The following CCDC88A variants were observed in gnomAD, a reference collection of about 807,000 sequenced individuals.
CCDC88A encodes coiled-coil and HOOK domain protein 88A.
In CCDC88A, 54 loss-of-function variants were observed where a neutral mutation model predicts 234.3. The observed-to-expected ratio is 0.23, with a 90% CI of 0.19 to 0.29. The LOEUF (loss-of-function observed/expected upper bound fraction) is 0.29, where lower values mean the gene tolerates loss of function less well. Among genes scored for constraint, CCDC88A ranks in the 10% least tolerant of loss-of-function variants. CCDC88A has a pLI of 1.00. For synonymous variants in CCDC88A, 753 were observed against 737.8 expected (o/e 1.02, Z -0.33); for missense variants, 1,832 against 2,123.4 (o/e 0.86, Z 2.70).
rs983883597 is a variant in CCDC88A, at chr2:55,290,638, G to T, written c.*562C>A. 1 of 152,190 alleles carries T rather than the reference G, an allele frequency of 6.6e-6. No individual in the cohort carries two copies. Among genetic ancestry groups the T allele is most frequent in the African/African-American group, 2.4e-5 (1 of 41,378 alleles). The allele number at this position is 152,190 out of a possible 1,614,324, so 9.4% of individuals were successfully genotyped here. A position where few individuals can be genotyped will look rare whatever the true frequency, so the allele number is the denominator to read the frequency against. On this transcript the variant is annotated 3_prime_UTR_variant, in exon 33 of 33. Coordinates refer to ENST00000436346, the MANE Select transcript of CCDC88A (RefSeq NM_001365480.1). The stretch of plus-strand genomic sequence containing the variant: ...AATAATTGGCTTTAAGAAAAAAAAA[G>T]TATCAACACATGCAGTCTGCTAACC...
intron 25 of CCDC88A, among the ~76,000 whole-genome samples, chr2:55,303,844 A>G (rs1681200322): frequency 6.6e-6 from 1 of 152,230 alleles, no homozygotes; most frequent in South Asian, 2.1e-4. Context: ...ATGAAAATGT[A>G]CAAGGCTTTT....
chr2:55,356,127 C>T (rs1163610092), intron 7 of CCDC88A: 2 of 154,516 alleles, frequency 1.3e-5, no homozygotes, highest in African/African-American at 4.8e-5. Flanking sequence ...CATGCATTAG[C>T]TCTTTTCCCT....
chr2:55,384,560 C>CGTATATATGCGTATATAT lies in CCDC88A; in HGVS notation c.273+4217_273+4218insATATATACGCATATATAC. Among the ~76,000 whole-genome samples the CGTATATATGCGTATATAT allele has an allele frequency of 3.2e-4, 6 of 19,040 alleles. 3 individuals carry two copies. The highest frequency in any genetic ancestry group is 2.0e-3 in the African/African-American group (6 of 3,016). 12.5% of individuals were successfully genotyped at this position (19,040 alleles called of 152,430 possible). The stretch of plus-strand genomic sequence containing the variant: ...ATATACGTATATATGTGTATATATA[C>CGTATATATGCGTATATAT]ACATATATACGTATATATGTGTATA... On this transcript the variant is annotated intron_variant, in intron 3 of 32. Transcript: ENST00000436346.
chr2:55,300,919 A>G (rs967524555), intron 28 of CCDC88A: 6 of 276,518 alleles, frequency 2.2e-5, no homozygotes, highest in Non-Finnish European at 4.0e-5. Flanking sequence ...TGCAACTCTT[A>G]TAACTTTAAT....
chr2:55,343,317 T>A (rs888207504), intron 12 of CCDC88A, among the ~76,000 whole-genome samples: 1 of 152,140 alleles, frequency 6.6e-6, no homozygotes, highest in African/African-American at 2.4e-5. Context: ...TGACCACTAA[T>A]ACGACTTTTC....
intron 3 of CCDC88A, among the ~76,000 whole-genome samples, chr2:55,385,442 G>T (rs1675421758): frequency 6.6e-6 from 1 of 152,038 alleles, no homozygotes; most frequent in Non-Finnish European, 1.5e-5. Flanking sequence ...ATAAATAAAA[G>T]TTTAATAAGC....
chr2:55,335,054 G>T lies in CCDC88A; in HGVS notation c.1767C>A (p.Asn589Lys). The T allele has an allele frequency of 6.2e-7, 1 of 1,611,086 alleles. No individual in the cohort carries two copies. Among genetic ancestry groups the T allele is most frequent in the Non-Finnish European group, 8.5e-7 (1 of 1,178,364 alleles). ...CTTTGATAGATTCATGAAGAATTTT[G>T]TTTTCTTTTTCAATGTCTTTCACTC... is the stretch of plus-strand genomic sequence containing the variant. ...EARVKDIEKE[N>K]KILHESIKET... Residue 589 changes from asparagine to lysine, a missense_variant, in exon 15 of 33, where the codon AAC becomes AAA. Coordinates refer to ENST00000436346, the MANE Select transcript of CCDC88A (RefSeq NM_001365480.1). This position sits in a 1 kb window ranked among gnomAD's most constrained non-coding sequence, Gnocchi z 4.5.
chr2:55,387,100 C>T (rs1253069744), intron 3 of CCDC88A, among the ~76,000 whole-genome samples: 1 of 143,204 alleles, frequency 7.0e-6, no homozygotes, highest in Admixed American at 7.4e-5. Context: ...TTGCTGGAAC[C>T]CAGGAGGCGG....
At chr2:55,370,665 A>AG (rs1292501486) in intron 5 of CCDC88A, among the ~76,000 whole-genome samples, 1 of 144,602 alleles carries the variant, frequency 6.9e-6, no homozygotes, top group Non-Finnish European at 1.5e-5. Flanking sequence ...AAAAAAAAAA[A>AG]AAGAGAATTA....
chr2:55,375,586 G>C (rs1207141112), intron 3 of CCDC88A, among the ~76,000 whole-genome samples: 3 of 148,796 alleles, frequency 2.0e-5, no homozygotes, highest in African/African-American at 5.0e-5. Context: ...GTAGTGCAGT[G>C]GTGTGATCTT....
chr2:55,374,150 G>A (rs1460676418), intron 4 of CCDC88A, among the ~76,000 whole-genome samples: 2 of 152,194 alleles, frequency 1.3e-5, no homozygotes, highest in Non-Finnish European at 2.9e-5. Context: ...GAGGCGGGCA[G>A]ATCACCTGAG....
At chr2:55,397,867 G>A (rs1677884331) in intron 2 of CCDC88A, among the ~76,000 whole-genome samples, 1 of 151,850 alleles carries the variant, frequency 6.6e-6, no homozygotes, top group Non-Finnish European at 1.5e-5. Context: ...AGAATTTTTT[G>A]TAAAAAAAAT....
intron 2 of CCDC88A, among the ~76,000 whole-genome samples, chr2:55,393,289 GTTTTT>G (rs558827055): frequency 1.3e-4 from 8 of 61,678 alleles, no homozygotes; most frequent in African/African-American, 5.0e-4. Context: ...GGTTTTTTGG[GTTTTT>G]TTTTTTTTTT....
At chr2:55,416,480 A>G (rs1380715832) in intron 2 of CCDC88A, among the ~76,000 whole-genome samples, 11 of 120,736 alleles carry the variant, frequency 9.1e-5, no homozygotes, top group African/African-American at 1.4e-4. Context: ...ATATATATAT[A>G]TATATATGTA....
chr2:55,401,146 T>C (rs983461751), intron 2 of CCDC88A, among the ~76,000 whole-genome samples: 2 of 151,766 alleles, frequency 1.3e-5, no homozygotes, highest in African/African-American at 2.4e-5. Flanking sequence ...AAAAAATGTA[T>C]TGGCTAGGGG....
intron 5 of CCDC88A, among the ~76,000 whole-genome samples, chr2:55,367,654 G>C (rs551711295): frequency 1.3e-5 from 2 of 150,980 alleles, no homozygotes; most frequent in African/African-American, 2.4e-5. Context: ...AAGTAGCTGA[G>C]ACTAAAGGCG....
At chr2:55,393,547 G>T (rs2104912221) in intron 2 of CCDC88A, among the ~76,000 whole-genome samples, 1 of 151,896 alleles carries the variant, frequency 6.6e-6, no homozygotes, top group Non-Finnish European at 1.5e-5. Context: ...ACCTACCTCA[G>T]CCTCCCAAAG....
At chr2:55,414,748 C>G (rs569028789) in intron 2 of CCDC88A, among the ~76,000 whole-genome samples, 1 of 152,078 alleles carries the variant, frequency 6.6e-6, no homozygotes, top group Non-Finnish European at 1.5e-5. Context: ...TCTTAATAAA[C>G]ATTTTAGATG....
intron 2 of CCDC88A, among the ~76,000 whole-genome samples, chr2:55,392,180 G>A (rs1001303494): frequency 6.6e-6 from 1 of 152,098 alleles, no homozygotes; most frequent in Non-Finnish European, 1.5e-5. Flanking sequence ...TCTCCTTTAT[G>A]TTTCACTGGT....
Sources: allele counts gnomAD v4.1 joint callset (sites outside exome capture counted in the v4.1 genomes callset), GRCh38; gene constraint gnomAD v4.1.1; non-coding constraint Gnocchi (gnomAD v3.1); transcripts MANE v1.5; gene names NCBI Gene and HGNC (gene_info 2026-07-23, HGNC 2026-07-21).